Variants in DMRTC1 observed in about 807,000 individuals in gnomAD.
DMRTC1 encodes doublesex- and mab-3-related transcription factor C1.
For missense variants in DMRTC1, 9 were observed against 34.6 expected, an observed-to-expected ratio of 0.26 and a Z score of 1.86; for synonymous variants, 7 against 14.1, an observed-to-expected ratio of 0.50 and a Z score of 1.13.
chrX:72,905,681 T>C (rs2054925600), intron 1 of DMRTC1, among the ~76,000 whole-genome samples: 1 of 61,605 alleles, frequency 1.6e-5, no homozygotes, highest in Non-Finnish European at 2.8e-5. Flanking sequence ...TTTTGTATTT[T>C]AGTAGAGACG....
intron 4 of DMRTC1, 89 bp downstream of exon 4, chrX:72,874,736 C>CCTCCTT (rs1556351420): frequency 4.7e-6 from 1 of 211,080 alleles, no homozygotes; most frequent in Non-Finnish European, 7.4e-6. Context: ...TCCTCCTCCT[C>CCTCCTT]CCCCTCTTCC....
At chrX:72,905,797 G>A (rs2054928346) in intron 1 of DMRTC1, among the ~76,000 whole-genome samples, 2 of 97,148 alleles carry the variant, frequency 2.1e-5, no homozygotes, top group Non-Finnish European at 4.1e-5. Flanking sequence ...ACGGCGCCTG[G>A]ACTAAATTTA....
chrX:72,874,526 T>A lies in DMRTC1; in HGVS notation c.257+299A>T, dbSNP rs1374006108. On this transcript the variant is annotated intron_variant, in intron 4 of 6. Coordinates refer to ENST00000615063, the MANE Select transcript of DMRTC1 (RefSeq NM_033053.3). ...GGTATAGAATATTGTCCTCAGTACA[T>A]CCATAGGGAAATGGAGGTTCAGACA... is the stretch of plus-strand genomic sequence containing the variant. Among the ~76,000 whole-genome samples the A allele has an allele frequency of 8.1e-3, 395 of 48,604 alleles. 9 individuals are homozygous for A. The highest frequency in any genetic ancestry group is 0.035 in the African/African-American group (386 of 10,926). 42.2% of individuals were successfully genotyped at this position (48,604 alleles called of 115,157 possible). A position where few individuals can be genotyped will look rare whatever the true frequency, so the allele number is the denominator to read the frequency against.
intron 4 of DMRTC1, among the ~76,000 whole-genome samples, chrX:72,874,585 A>G (rs1556351329): frequency 1.3e-5 from 1 of 79,798 alleles, no homozygotes; most frequent in African/African-American, 5.0e-5. Flanking sequence ...TCACAAATAG[A>G]AAATAGCAAA....
chrX:72,879,730 T>G (rs1834134826), intron 1 of DMRTC1, among the ~76,000 whole-genome samples: 1 of 59,199 alleles, frequency 1.7e-5, no homozygotes, highest in African/African-American at 4.6e-5. Flanking sequence ...TCTTTCTTTC[T>G]TTTCCTTTCT....
chrX:72,912,835 C>G (rs2054958566), intron 1 of DMRTC1: 4 of 461,566 alleles, frequency 8.7e-6, no homozygotes, highest in Non-Finnish European at 1.5e-5. Context: ...GCATCCCTCA[C>G]CCATGGAAGA....
At chrX:72,879,147 G>GTTTTTTTTTTTT (rs781972795) in intron 1 of DMRTC1, among the ~76,000 whole-genome samples, 9 of 12,785 alleles carry the variant, frequency 7.0e-4, no homozygotes, top group African/African-American at 1.0e-3. Context: ...TTTTTTGTTT[G>GTTTTTTTTTTTT]TTTTTTTTTT....
chrX:72,905,658 C>T (rs1467564251), intron 1 of DMRTC1, among the ~76,000 whole-genome samples: 4 of 58,986 alleles, frequency 6.8e-5, no homozygotes, highest in African/African-American at 2.3e-4. Context: ...CAGGCGCCCA[C>T]GCCCGGCTAA....
At position 72,913,316 on chromosome X, in the gene DMRTC1, C is replaced by T. The variant is rs1216244381; in HGVS notation, c.-95+30259G>A. ...CACAGACACAGGCGTGAACGGTGACCGAGCCCCCTCTGATGCTCCATGCCC... is the reference window on the plus strand; with the variant it reads ...CACAGACACAGGCGTGAACGGTGACTGAGCCCCCTCTGATGCTCCATGCCC... On this transcript the variant is annotated intron_variant, in intron 1 of 6. Coordinates refer to ENST00000615063, the MANE Select transcript of DMRTC1 (RefSeq NM_033053.3). 124 of 666,713 alleles carry T rather than the reference C, an allele frequency of 1.9e-4. 5 individuals carry two copies. The Middle Eastern group carries it at 7.5e-3, about 40-fold the overall frequency. 54.9% of individuals were successfully genotyped at this position (666,713 alleles called of 1,213,427 possible). A position where few individuals can be genotyped will look rare whatever the true frequency, so the allele number is the denominator to read the frequency against.
chrX:72,922,754 CA>C (rs1556356828), intron 1 of DMRTC1, among the ~76,000 whole-genome samples: 2 of 24,055 alleles, frequency 8.3e-5, no homozygotes, highest in African/African-American at 1.7e-4. Context: ...ACTTAAAAAT[CA>C]AAAAACAAAG....
chrX:72,916,456 T>C, intron 1 of DMRTC1, among the ~76,000 whole-genome samples: 1 of 103,667 alleles, frequency 9.6e-6, no homozygotes. Flanking sequence ...GCTAAAACAT[T>C]CATGGAGTCA....
At chrX:72,913,438 C>T in intron 1 of DMRTC1, 1 of 431,418 alleles carries the variant, frequency 2.3e-6, no homozygotes, top group East Asian at 3.7e-5. Context: ...TTCAACACGT[C>T]GGCTGAACTG....
At chrX:72,882,028 G>C (rs1349784160) in intron 1 of DMRTC1, among the ~76,000 whole-genome samples, 1 of 110,259 alleles carries the variant, frequency 9.1e-6, no homozygotes, top group African/African-American at 3.3e-5. Flanking sequence ...AGTCTGTCAG[G>C]ATATTTCGAT....
At chrX:72,902,909 GACACAC>G (rs377421921) in intron 1 of DMRTC1, among the ~76,000 whole-genome samples, 35 of 58,935 alleles carry the variant, frequency 5.9e-4, no homozygotes, top group African/African-American at 2.3e-3. Context: ...ACCAGACAAA[GACACAC>G]ACACACACAC....
rs1173409856 is a variant in DMRTC1, at chrX:72,914,217, GA to G, written c.-95+29357del. ...AGTCCCCTGTGCAAAGCCAGGGGAGGAAAAAAAAAAAATGCTTTCTTAGGGC... is the reference window on the plus strand; with the variant it reads ...AGTCCCCTGTGCAAAGCCAGGGGAGGAAAAAAAAAAATGCTTTCTTAGGGC... On this transcript the variant is annotated intron_variant, in intron 1 of 6. Coordinates refer to ENST00000615063, the MANE Select transcript of DMRTC1 (RefSeq NM_033053.3). Among the ~76,000 whole-genome samples the G allele has an allele frequency of 3.7e-3, 90 of 24,231 alleles. 1 individual carries two copies. The highest frequency in any genetic ancestry group is 6.5e-3 in the African/African-American group (24 of 3,685). 21.0% of individuals were successfully genotyped at this position (24,231 alleles called of 115,157 possible).
intron 1 of DMRTC1, among the ~76,000 whole-genome samples, chrX:72,879,451 C>T (rs1467362607): frequency 2.1e-5 from 1 of 47,778 alleles, no homozygotes; most frequent in African/African-American, 7.8e-5. Context: ...TCTCTCCCTA[C>T]ACCACACCAC....
At chrX:72,882,311 A>T (rs1163051229) in intron 1 of DMRTC1, among the ~76,000 whole-genome samples, 43 of 26,450 alleles carry the variant, frequency 1.6e-3, no homozygotes, top group African/African-American at 6.3e-3. Context: ...TGTAAAGAGA[A>T]TAAACTGGAC....
intron 1 of DMRTC1, among the ~76,000 whole-genome samples, chrX:72,876,847 TCATG>T (rs1371834635): frequency 7.3e-5 from 5 of 68,764 alleles, no homozygotes; most frequent in Non-Finnish European, 1.3e-4. Flanking sequence ...ATTCATCCCT[TCATG>T]CATCCCCCCC....
At chrX:72,913,231 C>A in intron 1 of DMRTC1, 1 of 908,983 alleles carries the variant, frequency 1.1e-6, no homozygotes. Flanking sequence ...GTCCACTTGT[C>A]ACTCTGCTTT....
Sources: gnomAD v4.1 joint callset for allele counts (sites outside exome capture counted in the v4.1 genomes callset) on GRCh38, gnomAD v4.1.1 for gene constraint, MANE v1.5 for transcripts, NCBI Gene and HGNC (gene_info 2026-07-23, HGNC 2026-07-21) for gene names.